The following FOXJ3 variants were observed in gnomAD, a reference collection of about 807,000 sequenced individuals.
The protein encoded by FOXJ3 is forkhead box protein J3.
FOXJ3 carries 22 observed loss-of-function variants against 76.1 expected under a neutral mutation model. The ratio of observed to expected loss-of-function variants is 0.29; its 90% CI spans 0.21 to 0.41. The LOEUF (loss-of-function observed/expected upper bound fraction) is 0.41, where lower values mean the gene tolerates loss of function less well. FOXJ3 is among the 10% of genes least tolerant of loss of function. The pLI, the probability that FOXJ3 is intolerant of heterozygous loss-of-function variation, is 1.00. For synonymous variants in FOXJ3, 269 were observed against 261.2 expected, an observed-to-expected ratio of 1.03 and a Z score of -0.29; for missense variants, 613 against 762.1, an observed-to-expected ratio of 0.80 and a Z score of 2.30.
chr1:42,329,491 T>TGG (rs1404005326), intron 1 of FOXJ3, among the ~76,000 whole-genome samples: 1 of 152,244 alleles, frequency 6.6e-6, no homozygotes, highest in East Asian at 1.9e-4. Context: ...AGGTAAAGAA[T>TGG]AACCCCCTCT....
chr1:42,217,740 G>C (rs1569906249), intron 5 of FOXJ3, among the ~76,000 whole-genome samples: 1 of 152,142 alleles, frequency 6.6e-6, no homozygotes, highest in African/African-American at 2.4e-5. Context: ...CTTACCTGGG[G>C]ACAAGAGTTG....
At chr1:42,211,324 A>G (rs879824783) in intron 5 of FOXJ3, among the ~76,000 whole-genome samples, 2 of 152,114 alleles carry the variant, frequency 1.3e-5, no homozygotes, top group African/African-American at 2.4e-5. Context: ...CCCTCTTTAC[A>G]TGGAACATCA....
intron 3 of FOXJ3, among the ~76,000 whole-genome samples, chr1:42,276,791 A>T (rs1454752999): frequency 1.3e-5 from 2 of 152,236 alleles, no homozygotes; most frequent in Non-Finnish European, 2.9e-5. Context: ...TCCCATTAAG[A>T]CATACTTATA....
At chr1:42,245,702 G>T (rs1649496816) in intron 4 of FOXJ3, among the ~76,000 whole-genome samples, 1 of 115,212 alleles carries the variant, frequency 8.7e-6, no homozygotes. Context: ...CAAACCCACA[G>T]CTAACATCAT....
intron 12 of FOXJ3, among the ~76,000 whole-genome samples, chr1:42,180,478 A>G (rs1167005641): frequency 6.6e-6 from 1 of 152,062 alleles, no homozygotes; most frequent in East Asian, 1.9e-4. Context: ...CCCCTTCTAA[A>G]CCAGCTGCTT....
At chr1:42,189,064 G>T in intron 10 of FOXJ3, 136 bp from the exon 11 acceptor site, 1 of 625,094 alleles carries the variant, frequency 1.6e-6, no homozygotes, top group Non-Finnish European at 2.7e-6. Context: ...TCCACGCAAT[G>T]AAGAATGACC....
At chr1:42,208,525 A>T (rs2124341143) in intron 5 of FOXJ3, among the ~76,000 whole-genome samples, 1 of 152,376 alleles carries the variant, frequency 6.6e-6, no homozygotes, top group East Asian at 1.9e-4. Flanking sequence ...AAAAAGGTAT[A>T]GAAGGAACAT....
At chr1:42,308,865 A>G (rs991163384) in intron 2 of FOXJ3, among the ~76,000 whole-genome samples, 1 of 152,152 alleles carries the variant, frequency 6.6e-6, no homozygotes, top group Non-Finnish European at 1.5e-5. Context: ...TAAACATAGT[A>G]TTCACATATA....
chr1:42,307,981 C>A (rs1292287633), intron 2 of FOXJ3, among the ~76,000 whole-genome samples: 1 of 152,134 alleles, frequency 6.6e-6, no homozygotes. Context: ...TTTAGAGAGA[C>A]TGGGGGAGAG....
rs140643917 is a variant in FOXJ3 at position 42,180,432 on chromosome 1, T to C, written c.1754-607A>G. Among the ~76,000 whole-genome samples the C allele has an allele frequency of 1.7e-3, 255 of 152,308 alleles. 2 individuals are homozygous for C. The highest frequency in any genetic ancestry group is 5.8e-3 in the African/African-American group (240 of 41,564). ...GTTTATGCTCCCCAATTTTGATTCA[T>C]TGGGTCTGTGTCTCCACCGTATCTT... On this transcript the variant is annotated intron_variant, in intron 12 of 12. Coordinates refer to ENST00000361346, the MANE Select transcript of FOXJ3 (RefSeq NM_014947.5).
chr1:42,304,300 C>G (rs1654332212), intron 2 of FOXJ3, among the ~76,000 whole-genome samples: 1 of 151,692 alleles, frequency 6.6e-6, no homozygotes, highest in Non-Finnish European at 1.5e-5. Context: ...AGTAGAAGAA[C>G]CAATATTGTT....
chr1:42,215,609 G>T (rs1168364061), intron 5 of FOXJ3, among the ~76,000 whole-genome samples: 1 of 151,994 alleles, frequency 6.6e-6, no homozygotes, highest in Admixed American at 6.5e-5. Context: ...AATTCAATTA[G>T]CTCAGTAAAC....
rs1380840569 is a variant in FOXJ3 at position 42,254,278 on chromosome 1, C to G, written c.444+10837G>C. ...AACCACAATGAGATACCATCTCACACCAGTTAGAATGGCAATCATTAAAAA... is the reference window on the plus strand; with the variant it reads ...AACCACAATGAGATACCATCTCACAGCAGTTAGAATGGCAATCATTAAAAA... On this transcript the variant is annotated intron_variant, in intron 4 of 12. Transcript: ENST00000361346. Among the ~76,000 whole-genome samples the G allele has an allele frequency of 7.1e-3, 1,060 of 148,556 alleles. 22 individuals are homozygous for G. The highest frequency in any genetic ancestry group is 0.025 in the African/African-American group (1,024 of 40,560).
At chr1:42,240,846 T>C (rs1027310318) in intron 4 of FOXJ3, among the ~76,000 whole-genome samples, 1 of 152,078 alleles carries the variant, frequency 6.6e-6, no homozygotes, top group African/African-American at 2.4e-5. Context: ...CCAAAGAAAA[T>C]TGAAGAATTT....
intron 1 of FOXJ3, among the ~76,000 whole-genome samples, chr1:42,317,642 T>C (rs1655198018): frequency 6.6e-6 from 1 of 152,026 alleles, no homozygotes; most frequent in Non-Finnish European, 1.5e-5. Flanking sequence ...GAATACTGGC[T>C]TTTAATAGAA....
At chr1:42,317,514 T>TAAAA (rs11365048) in intron 1 of FOXJ3, among the ~76,000 whole-genome samples, 1 of 106,398 alleles carries the variant, frequency 9.4e-6, no homozygotes, top group Non-Finnish European at 1.9e-5. Flanking sequence ...AGAGAAACCA[T>TAAAA]AAAAAAAAAA....
At chr1:42,298,224 G>A (rs955434253) in intron 2 of FOXJ3, among the ~76,000 whole-genome samples, 2 of 152,182 alleles carry the variant, frequency 1.3e-5, no homozygotes, top group African/African-American at 4.8e-5. Flanking sequence ...CCCCAGCCCT[G>A]TGGAACTGTG....
intron 4 of FOXJ3, among the ~76,000 whole-genome samples, chr1:42,255,977 G>A (rs909829993): frequency 2.0e-5 from 3 of 152,184 alleles, no homozygotes; most frequent in South Asian, 2.1e-4. Flanking sequence ...AGCCGAGATC[G>A]CATCACTGCA....
intron 5 of FOXJ3, among the ~76,000 whole-genome samples, chr1:42,209,800 G>T (rs1646931111): frequency 6.6e-6 from 1 of 152,206 alleles, no homozygotes; most frequent in South Asian, 2.1e-4. Flanking sequence ...TCAGGCAGAG[G>T]TCACAGGTTG....
Sources: gnomAD v4.1 joint callset for allele counts (sites outside exome capture counted in the v4.1 genomes callset) on GRCh38, gnomAD v4.1.1 for gene constraint, MANE v1.5 for transcripts, NCBI Gene and HGNC (gene_info 2026-07-23, HGNC 2026-07-21) for gene names.